The following BSPH1 variants were observed in gnomAD, a reference collection of about 807,000 sequenced individuals.
BSPH1 encodes the protein binder of sperm 1.
BSPH1 carries 21 observed loss-of-function variants against 22.5 expected under a neutral mutation model. That is an observed-to-expected ratio of 0.93 (90% CI 0.66 to 1.35). BSPH1 has a LOEUF of 1.35. BSPH1 is among the 40% of genes most tolerant of loss of function. The pLI, the probability that BSPH1 is intolerant of heterozygous loss-of-function variation, is 0.00. For synonymous variants in BSPH1, 42 were observed against 53.6 expected (o/e 0.78, Z 0.95); for missense variants, 141 against 154.2 (o/e 0.91, Z 0.45).
intron 5 of BSPH1, among the ~76,000 whole-genome samples, chr19:47,973,498 C>A (rs187463469): frequency 3.8e-4 from 58 of 152,144 alleles, no homozygotes; most frequent in African/African-American, 1.4e-3. Flanking sequence ...ACTTTTCATT[C>A]ATAACGACAA....
At chr19:47,972,669 C>A (rs933563953) in intron 5 of BSPH1, among the ~76,000 whole-genome samples, 1 of 152,092 alleles carries the variant, frequency 6.6e-6, no homozygotes, top group African/African-American at 2.4e-5. Flanking sequence ...ATAGAAAATT[C>A]TTCACAATGG....
intron 5 of BSPH1, among the ~76,000 whole-genome samples, chr19:47,975,415 T>C (rs1319904954): frequency 6.6e-6 from 1 of 152,188 alleles, no homozygotes; most frequent in African/African-American, 2.4e-5. Context: ...AGCTCTCAAG[T>C]GCTGGCTTGC....
rs202156763 is a variant in BSPH1 at position 47,977,029 on chromosome 19, TCA to T, written c.257-177_257-176del. On this transcript the variant is annotated intron_variant, in intron 4 of 5. Transcript: ENST00000344839. Reference sequence around the variant, plus strand: ...CATACATGTATGCACACTGGTGCGCTCACACACACACGCGCAAATACACACTT... The same window carrying T: ...CATACATGTATGCACACTGGTGCGCTCACACACACGCGCAAATACACACTT... 5.6e-4 allele frequency among the ~76,000 whole-genome samples: 85 copies of T among 152,288 alleles called. 1 individual carries two copies. The East Asian group carries it at 0.013, about 22-fold the overall frequency.
chr19:47,982,061 A>T (rs1476885182), intron 1 of BSPH1, among the ~76,000 whole-genome samples: 2 of 152,202 alleles, frequency 1.3e-5, no homozygotes, highest in Non-Finnish European at 2.9e-5. Flanking sequence ...AGAGTGAAAA[A>T]TTTGATTTTT....
chr19:47,970,624 T>C (rs1188640490), intron 5 of BSPH1, among the ~76,000 whole-genome samples: 1 of 152,182 alleles, frequency 6.6e-6, no homozygotes, highest in Non-Finnish European at 1.5e-5. Context: ...GGAATAAACA[T>C]GAATAATAGT....
At chr19:47,985,103 C>T (rs1969458802) in intron 1 of BSPH1, among the ~76,000 whole-genome samples, 1 of 151,208 alleles carries the variant, frequency 6.6e-6, no homozygotes, top group Non-Finnish European at 1.5e-5. Flanking sequence ...AAGAAAACTG[C>T]CTACTGGGCA....
chr19:47,969,749 T>TGAGA (rs1021233631), intron 5 of BSPH1, among the ~76,000 whole-genome samples: 6 of 141,518 alleles, frequency 4.2e-5, no homozygotes, highest in Non-Finnish European at 9.2e-5. Flanking sequence ...TGTGTGTGTG[T>TGAGA]GAGAGAGAGA....
intron 3 of BSPH1, 70 bp downstream of exon 3, chr19:47,979,500 C>T: frequency 1.3e-6 from 1 of 755,358 alleles, no homozygotes; most frequent in Non-Finnish European, 2.1e-6. Flanking sequence ...AAAAACATTA[C>T]TGATTTCCTC....
chr19:47,973,451 T>C (rs1233124022), intron 5 of BSPH1, among the ~76,000 whole-genome samples: 1 of 152,098 alleles, frequency 6.6e-6, no homozygotes, highest in Non-Finnish European at 1.5e-5. Context: ...TCCTTCCACC[T>C]CCATGGGGAT....
In BSPH1 at chr19:47,992,128, C is replaced by G; in HGVS notation, c.-47G>C. The G allele has an allele frequency of 6.8e-7, 1 of 1,478,784 alleles. No individual in the cohort carries two copies. Among genetic ancestry groups the G allele is most frequent in the South Asian group, 1.2e-5 (1 of 82,254 alleles). The allele number at this position is 1,478,784 out of a possible 1,614,324, so 91.6% of individuals were successfully genotyped here. ...TATCTCAGATCTTCCTGGTCTTTGT[C>G]AGCCAGGGCTCAAGAATCCCCTGGA... On this transcript the variant is annotated 5_prime_UTR_variant, in exon 1 of 6. Transcript: ENST00000344839.
At chr19:47,983,991 C>G (rs1457845327) in intron 1 of BSPH1, among the ~76,000 whole-genome samples, 1 of 151,400 alleles carries the variant, frequency 6.6e-6, no homozygotes, top group East Asian at 1.9e-4. Context: ...TGTGCACCAC[C>G]ACCTGTATTT....
chr19:47,978,001 G>GATATATATATATATATAT lies in BSPH1; in HGVS notation c.125-515_125-498dup, dbSNP rs10609973. ...TATATATGCTGTATGGTTAATACAG[G>GATATATATATATATATAT]ATATATATATATATATATATATATA... On this transcript the variant is annotated intron_variant, in intron 3 of 5. Coordinates refer to ENST00000344839, the MANE Select transcript of BSPH1 (RefSeq NM_001128326.2). Among the ~76,000 whole-genome samples, 295 of 110,334 alleles carry GATATATATATATATATAT rather than the reference G, an allele frequency of 2.7e-3. 8 individuals are homozygous for GATATATATATATATATAT. The highest frequency in any genetic ancestry group is 3.4e-3 in the Non-Finnish European group (183 of 53,412). 72.4% of individuals were successfully genotyped at this position (110,334 alleles called of 152,430 possible).
At chr19:47,973,089 C>T (rs11878324) in intron 5 of BSPH1, among the ~76,000 whole-genome samples, 84,976 of 150,814 alleles carry the variant, frequency 0.56, 24,215 homozygotes, top group Middle Eastern at 0.63. Context: ...TGGTGGCGGG[C>T]GCCTGTAGTC....
At chr19:47,968,700 A>AG (rs1316318160) in intron 5 of BSPH1, among the ~76,000 whole-genome samples, 2 of 149,604 alleles carry the variant, frequency 1.3e-5, no homozygotes, top group African/African-American at 4.9e-5. Context: ...AAAAAAAAAA[A>AG]AAAGAAATCA....
At chr19:47,973,133 T>C (rs139250761) in intron 5 of BSPH1, among the ~76,000 whole-genome samples, 15,655 of 150,832 alleles carry the variant, frequency 0.1, 1,022 homozygotes, top group East Asian at 0.28. Flanking sequence ...AGGAGAATGG[T>C]GTGAACCTGG....
intron 3 of BSPH1, 96 bp downstream of exon 3, chr19:47,979,474 T>C: frequency 1.6e-6 from 1 of 644,518 alleles, no homozygotes; most frequent in South Asian, 2.1e-5. Flanking sequence ...GGAGAAAAAA[T>C]GATTTTTTTT....
At chr19:47,970,203 T>G (rs1469010529) in intron 5 of BSPH1, among the ~76,000 whole-genome samples, 2 of 151,998 alleles carry the variant, frequency 1.3e-5, no homozygotes. Context: ...AGATCACAAG[T>G]GCGCACTAAC....
chr19:47,987,375 T>G (rs951625770), intron 1 of BSPH1, among the ~76,000 whole-genome samples: 2 of 150,780 alleles, frequency 1.3e-5, no homozygotes, highest in African/African-American at 4.9e-5. Flanking sequence ...CTACATGTAC[T>G]TAGTACTTAC....
rs778989930 is a variant in BSPH1 at position 47,992,094 on chromosome 19, G to C, written c.-13C>G. On this transcript the variant is annotated 5_prime_UTR_variant, in exon 1 of 6. Coordinates refer to ENST00000344839, the MANE Select transcript of BSPH1 (RefSeq NM_001128326.2). The stretch of plus-strand genomic sequence containing the variant: ...TCAGGGAGCCCATGGGCAGTCACAG[G>C]CTTCCCGGTATCTCAGATCTTCCTG... The C allele has an allele frequency of 9.0e-6, 14 of 1,549,142 alleles. No homozygotes were observed. The South Asian group carries it at 1.3e-4, about 14-fold the overall frequency.
Sources: gnomAD v4.1 joint callset for allele counts (sites outside exome capture counted in the v4.1 genomes callset) on GRCh38, gnomAD v4.1.1 for gene constraint, MANE v1.5 for transcripts, NCBI Gene and HGNC (gene_info 2026-07-23, HGNC 2026-07-21) for gene names.